Variants in POTEF observed in about 807,000 individuals in gnomAD.
The protein encoded by POTEF is POTE ankyrin domain family member F.
A neutral mutation model predicts 83.2 loss-of-function variants in POTEF; 20 were observed. The ratio of observed to expected loss-of-function variants is 0.24; its 90% CI spans 0.17 to 0.35. The LOEUF (loss-of-function observed/expected upper bound fraction) is 0.35. Among genes scored for constraint, POTEF ranks in the 10% least tolerant of loss-of-function variants. POTEF has a pLI of 1.00. For missense variants in POTEF, 550 were observed against 1,203.2 expected, an observed-to-expected ratio of 0.46 and a Z score of 8.03; for synonymous variants, 196 against 446.4, an observed-to-expected ratio of 0.44 and a Z score of 7.07.
At chr2:130,117,446 C>T (rs1684871638) in intron 3 of POTEF, among the ~76,000 whole-genome samples, 4 of 151,820 alleles carry the variant, frequency 2.6e-5, no homozygotes, top group Admixed American at 1.3e-4. Context: ...TTGCAGAAAT[C>T]ACAGATAAGA....
At chr2:130,105,432 A>G (rs1573605900) in intron 8 of POTEF, among the ~76,000 whole-genome samples, 1 of 151,798 alleles carries the variant, frequency 6.6e-6, no homozygotes, top group Non-Finnish European at 1.5e-5. Context: ...ACTATAGCTG[A>G]CTACTGCGAA....
At chr2:130,125,671 C>T (rs1384734746) in intron 2 of POTEF, among the ~76,000 whole-genome samples, 1 of 151,946 alleles carries the variant, frequency 6.6e-6, no homozygotes, top group African/African-American at 2.4e-5. Context: ...CACAGCTGAC[C>T]GAGGTGGGTG....
chr2:130,118,376 A>G (rs1465773017), intron 3 of POTEF, among the ~76,000 whole-genome samples: 1 of 151,940 alleles, frequency 6.6e-6, no homozygotes, highest in Non-Finnish European at 1.5e-5. Flanking sequence ...TACTTTGCCC[A>G]ATTTTAAAAT....
chr2:130,111,465 A>G (rs1684708799), intron 6 of POTEF, among the ~76,000 whole-genome samples: 1 of 152,040 alleles, frequency 6.6e-6, no homozygotes, highest in Non-Finnish European at 1.5e-5. Context: ...AAAGGAAAAA[A>G]GCTGTTGAAC....
chr2:130,105,368 CG>C (rs1684494404), intron 8 of POTEF, among the ~76,000 whole-genome samples: 1 of 151,384 alleles, frequency 6.6e-6, no homozygotes, highest in Non-Finnish European at 1.5e-5. Context: ...TCACTAAGGA[CG>C]GGTGAAAACC....
At chr2:130,111,685 T>G (rs951641061) in intron 6 of POTEF, among the ~76,000 whole-genome samples, 1 of 150,626 alleles carries the variant, frequency 6.6e-6, no homozygotes, top group African/African-American at 2.5e-5. Flanking sequence ...TACTGAGTCA[T>G]AAAGTAAACT....
chr2:130,127,353 CCACACACA>C (rs1268256719), intron 2 of POTEF, among the ~76,000 whole-genome samples: 9 of 88,506 alleles, frequency 1.0e-4, no homozygotes, highest in Non-Finnish European at 2.0e-4. Context: ...AAAAAAAAAG[CCACACACA>C]CACACACACA....
chr2:130,126,301 C>T (rs1165443188), intron 2 of POTEF, among the ~76,000 whole-genome samples: 24 of 41,480 alleles, frequency 5.8e-4, no homozygotes, highest in African/African-American at 2.9e-3. Context: ...AAAACTCCAT[C>T]TCAAAAAAAA....
Position 130,122,281 on chromosome 2 carries a change from G to C in POTEF, c.-93-1673C>G, listed in dbSNP as rs148317437. Among the ~76,000 whole-genome samples the C allele has an allele frequency of 2.1e-3, 317 of 150,786 alleles. 3 individuals are homozygous for C. The highest frequency in any genetic ancestry group is 7.4e-3 in the African/African-American group (302 of 40,742). Reference sequence around the variant, plus strand: ...TTGCTATAAATACTTTTATGTGTAAGGCATTTGTTTTAATTTATTTTTGGT... The same window carrying C: ...TTGCTATAAATACTTTTATGTGTAACGCATTTGTTTTAATTTATTTTTGGT... On this transcript the variant is annotated intron_variant, in intron 2 of 16. Coordinates refer to ENST00000409914, the MANE Select transcript of POTEF (RefSeq NM_001099771.2).
chr2:130,093,140 T>C (rs1684172736), intron 12 of POTEF, among the ~76,000 whole-genome samples: 1 of 142,756 alleles, frequency 7.0e-6, no homozygotes, highest in Non-Finnish European at 1.5e-5. Context: ...GAGAATCTAA[T>C]GCCTGATGAT....
At chr2:130,108,231 ACTTCT>A (rs1006751020) in intron 7 of POTEF, among the ~76,000 whole-genome samples, 152 bp from the exon 8 acceptor site, 16 of 151,302 alleles carry the variant, frequency 1.1e-4, no homozygotes, top group African/African-American at 3.0e-4. Context: ...CATTCTACAA[ACTTCT>A]CTTTAAGCTT....
intron 7 of POTEF, chr2:130,109,074 A>G (rs918395638): frequency 2.6e-5 from 4 of 151,410 alleles, no homozygotes; most frequent in Admixed American, 2.6e-4. Flanking sequence ...CTCATAGACC[A>G]TCTTACATGA....
In POTEF at chr2:130,095,632, GT is replaced by G. The variant is rs952609779; in HGVS notation, c.1410-2125del. Among the ~76,000 whole-genome samples, 28 of 60,936 alleles carry G rather than the reference GT, an allele frequency of 4.6e-4. 10 individuals carry two copies. Among genetic ancestry groups the G allele is most frequent in the African/African-American group, 1.8e-3 (18 of 10,104 alleles). 40.0% of individuals were successfully genotyped at this position (60,936 alleles called of 152,430 possible). A position where few individuals can be genotyped will look rare whatever the true frequency, so the allele number is the denominator to read the frequency against. Reference sequence around the variant, plus strand: ...CCAGAAGAGTCCCTGCTGAGAAAGGGTTTTTTTTTTCTAATACAAAAAACCT... The same window carrying G: ...CCAGAAGAGTCCCTGCTGAGAAAGGGTTTTTTTTTCTAATACAAAAAACCT... On this transcript the variant is annotated intron_variant, in intron 11 of 16. Coordinates refer to ENST00000409914, the MANE Select transcript of POTEF (RefSeq NM_001099771.2).
Position 130,120,319 on chromosome 2 carries a change from C to T in POTEF, c.197G>A (p.Arg66His), listed in dbSNP as rs11889701. The T allele has an allele frequency of 3.1e-3, 4,913 of 1,597,894 alleles. 266 individuals carry two copies. The African/African-American group carries it at 0.066, about 21-fold the overall frequency. Residue 66 changes from arginine (R) to histidine (H), a missense_variant, in exon 3 of 17, where the codon CGC (arginine) becomes CAC (histidine). Transcript: ENST00000409914. The part of the protein sequence containing the change: ...TLRSKMGKWC[R>H]HCFPCCRGSG... ...CCCCCTGCAGCAGGGGAAGCAGTGG[C>T]GGCACCACTTGCCCATCTTGCTCCT... is the stretch of plus-strand genomic sequence containing the variant.
chr2:130,109,183 A>G (rs1684633919), intron 7 of POTEF: 1 of 151,106 alleles, frequency 6.6e-6, no homozygotes, highest in Non-Finnish European at 1.5e-5. Flanking sequence ...AAAATAGTCA[A>G]ATGACCTTCC....
intron 8 of POTEF, among the ~76,000 whole-genome samples, chr2:130,104,145 T>G (rs983093860): frequency 6.6e-6 from 1 of 150,664 alleles, no homozygotes; most frequent in African/African-American, 2.5e-5. Context: ...TGTAGCAATT[T>G]CTCAATAATT....
intron 13 of POTEF, among the ~76,000 whole-genome samples, chr2:130,087,623 TC>T (rs1341392564): frequency 1.3e-4 from 12 of 93,332 alleles, no homozygotes; most frequent in Non-Finnish European, 2.5e-4. Flanking sequence ...ATTTTAAGAA[TC>T]TATTAAAATT....
rs2104768420 is a variant in POTEF, at chr2:130,074,085, A to AC, written c.*158dup. 2 of 890,210 alleles carry AC rather than the reference A, an allele frequency of 2.2e-6. No individual in the cohort carries two copies. The highest frequency in any genetic ancestry group is 3.5e-4 in the Middle Eastern group (1 of 2,818). 55.1% of individuals were successfully genotyped at this position (890,210 alleles called of 1,614,324 possible). A position where few individuals can be genotyped will look rare whatever the true frequency, so the allele number is the denominator to read the frequency against. ...AAGCTTCCTCCAACCGACTGCTGTC[A>AC]CCTTCACCATTCCGGTTTTTAAATC... On this transcript the variant is annotated 3_prime_UTR_variant, in exon 17 of 17. Coordinates refer to ENST00000409914, the MANE Select transcript of POTEF (RefSeq NM_001099771.2).
At chr2:130,087,727 G>A (rs1402885283) in intron 13 of POTEF, among the ~76,000 whole-genome samples, 1 of 56,520 alleles carries the variant, frequency 1.8e-5, no homozygotes, top group African/African-American at 8.1e-5. Context: ...CCCTCTCCTG[G>A]GTTCATGCCA....
Sources: gnomAD v4.1 joint callset for allele counts (sites outside exome capture counted in the v4.1 genomes callset) on GRCh38, gnomAD v4.1.1 for gene constraint, MANE v1.5 for transcripts, NCBI Gene and HGNC (gene_info 2026-07-23, HGNC 2026-07-21) for gene names.